The following RORB variants were observed in gnomAD, a reference collection of about 807,000 sequenced individuals.
RORB encodes RAR related orphan receptor B.
RORB carries 6 observed loss-of-function variants against 59.1 expected under a neutral mutation model. The ratio of observed to expected loss-of-function variants is 0.10; its 90% CI spans 0.06 to 0.20. RORB has a LOEUF of 0.20. Among genes scored for constraint, RORB ranks in the 10% least tolerant of loss-of-function variants. The pLI, the probability that RORB is intolerant of heterozygous loss-of-function variation, is 1.00. For synonymous variants in RORB, 215 were observed against 204.5 expected, an observed-to-expected ratio of 1.05 and a Z score of -0.44; for missense variants, 320 against 560.5, an observed-to-expected ratio of 0.57 and a Z score of 4.33.
At chr9:74,653,163 T>C (rs1306957453) in intron 4 of RORB, among the ~76,000 whole-genome samples, 1 of 152,218 alleles carries the variant, frequency 6.6e-6, no homozygotes, top group East Asian at 1.9e-4. Flanking sequence ...TGTTTCACCT[T>C]TCAACCAAGT....
Position 74,534,017 on chromosome 9 carries a change from G to A in RORB, c.7+36034G>A, listed in dbSNP as rs12005293. On this transcript the variant is annotated intron_variant, in intron 1 of 9. Transcript: ENST00000376896. ...GGTATCAGGATAGCCGTTCTATGAC[G>A]AAATTATTTATATCTCTACTTGGTG... Among the ~76,000 whole-genome samples the A allele has an allele frequency of 3.4e-3, 516 of 152,098 alleles. 1 individual carries two copies. The highest frequency in any genetic ancestry group is 0.012 in the African/African-American group (478 of 41,534).
chr9:74,577,768 C>T (rs1822660608), intron 1 of RORB, among the ~76,000 whole-genome samples: 1 of 152,042 alleles, frequency 6.6e-6, no homozygotes. Context: ...AACATTGGCT[C>T]TGTAGGTTTA....
In RORB at chr9:74,659,149, G is replaced by A. The variant is rs76938764; in HGVS notation, c.638-1468G>A. On this transcript the variant is annotated intron_variant, in intron 4 of 9. Coordinates refer to ENST00000376896, the MANE Select transcript of RORB (RefSeq NM_006914.4). ...CTACCATTTATTCAGTGTTTCCAAC[G>A]TGCCAGGCAATGGTCTGTAGGAGAT... Among the ~76,000 whole-genome samples, 629 of 152,198 alleles carry A rather than the reference G, an allele frequency of 4.1e-3. 10 individuals carry two copies. The highest frequency in any genetic ancestry group is 0.024 in the East Asian group (126 of 5,178).
chr9:74,574,286 A>G (rs1275867603), intron 1 of RORB, among the ~76,000 whole-genome samples: 1 of 152,120 alleles, frequency 6.6e-6, no homozygotes, highest in East Asian at 1.9e-4. Flanking sequence ...TGTCAAGTAA[A>G]TAAAGTATGA....
chr9:74,643,086 G>A (rs934462909), intron 4 of RORB, among the ~76,000 whole-genome samples: 1 of 152,142 alleles, frequency 6.6e-6, no homozygotes, highest in Non-Finnish European at 1.5e-5. Context: ...TTGAATTTGG[G>A]TTCTCACTGA....
intron 1 of RORB, among the ~76,000 whole-genome samples, chr9:74,531,435 A>G (rs1826236785): frequency 6.6e-6 from 1 of 152,016 alleles, no homozygotes; most frequent in Non-Finnish European, 1.5e-5. Context: ...AGATCTGGAA[A>G]TACTGAGAAG....
intron 4 of RORB, among the ~76,000 whole-genome samples, chr9:74,652,373 A>T (rs1025231861): frequency 3.9e-5 from 6 of 152,120 alleles, no homozygotes; most frequent in African/African-American, 1.4e-4. Flanking sequence ...GCACCACTGC[A>T]CTCCAGCTGG....
intron 1 of RORB, among the ~76,000 whole-genome samples, chr9:74,548,324 T>A (rs1296782565): frequency 1.3e-5 from 2 of 152,174 alleles, no homozygotes; most frequent in Non-Finnish European, 2.9e-5. Flanking sequence ...AAATTAGGTA[T>A]TTTTTTATAT....
chr9:74,661,452 T>C (rs1250907639), intron 5 of RORB, among the ~76,000 whole-genome samples: 1 of 152,102 alleles, frequency 6.6e-6, no homozygotes, highest in African/African-American at 2.4e-5. Context: ...AGTACTTTTA[T>C]ATAAATAGGG....
chr9:74,499,786 C>G (rs1041380006), intron 1 of RORB, among the ~76,000 whole-genome samples: 4 of 152,290 alleles, frequency 2.6e-5, no homozygotes, highest in Admixed American at 2.6e-4. Context: ...GCTGCCAGTT[C>G]GTCCCTCCCC....
chr9:74,524,003 C>CA (rs1826119114), intron 1 of RORB, among the ~76,000 whole-genome samples: 1 of 124,266 alleles, frequency 8.0e-6, no homozygotes, highest in Admixed American at 8.5e-5. Context: ...TCAACGACAC[C>CA]TTTTTTTTTT....
At chr9:74,662,445 A>G (rs2118516329) in intron 5 of RORB, 29 bp from the exon 6 acceptor site, 1 of 1,612,720 alleles carries the variant, frequency 6.2e-7, no homozygotes, top group Non-Finnish European at 8.5e-7. Context: ...CGTTTGCCCT[A>G]TTTACATTCT....
chr9:74,664,134 T>G (rs2118521923), intron 6 of RORB, among the ~76,000 whole-genome samples: 1 of 152,316 alleles, frequency 6.6e-6, no homozygotes, highest in African/African-American at 2.4e-5. Flanking sequence ...AGCTAAACTC[T>G]CTAGATAGCA....
At chr9:74,608,287 C>T (rs536928494) in intron 1 of RORB, among the ~76,000 whole-genome samples, 1 of 151,976 alleles carries the variant, frequency 6.6e-6, no homozygotes, top group Non-Finnish European at 1.5e-5. Context: ...GTTTCTGGGC[C>T]GGGAGCGGTG....
At chr9:74,552,919 G>A (rs745955240) in intron 1 of RORB, among the ~76,000 whole-genome samples, 6 of 152,150 alleles carry the variant, frequency 3.9e-5, no homozygotes, top group African/African-American at 1.2e-4. Flanking sequence ...TCAAAGCGGG[G>A]ACCTAAGTGA....
intron 8 of RORB, 80 bp from the exon 9 acceptor site, chr9:74,671,709 T>C (rs1247053540): frequency 1.3e-6 from 1 of 758,766 alleles, no homozygotes; most frequent in Non-Finnish European, 2.2e-6. Flanking sequence ...GAAATGGGTC[T>C]GAAGCTTGGC....
At chr9:74,535,545 C>G (rs978560079) in intron 1 of RORB, among the ~76,000 whole-genome samples, 1 of 151,876 alleles carries the variant, frequency 6.6e-6, no homozygotes, top group Non-Finnish European at 1.5e-5. Context: ...ACCGCCCCCC[C>G]ACCCACACAC....
intron 1 of RORB, among the ~76,000 whole-genome samples, chr9:74,512,508 G>A (rs540415317): frequency 2.0e-5 from 3 of 152,254 alleles, no homozygotes; most frequent in South Asian, 4.1e-4. Context: ...TTCAAAACAG[G>A]CAGTGATTTT....
intron 1 of RORB, among the ~76,000 whole-genome samples, chr9:74,581,818 TG>T (rs567358726): frequency 6.2e-4 from 95 of 152,300 alleles, no homozygotes; most frequent in Non-Finnish European, 1.2e-3. Flanking sequence ...ATTCCTCTGA[TG>T]GATTATTACA....
Sources: allele counts gnomAD v4.1 joint callset (sites outside exome capture counted in the v4.1 genomes callset), GRCh38; gene constraint gnomAD v4.1.1; transcripts MANE v1.5; gene names NCBI Gene and HGNC (gene_info 2026-07-23, HGNC 2026-07-21).